GCFC2: variants seen among roughly 807,000 people sequenced by gnomAD.
GCFC2 encodes the protein intron Large complex component GCFC2.
In GCFC2, 102 loss-of-function variants were observed where a neutral mutation model predicts 99.4. That is an observed-to-expected ratio of 1.03 (90% CI 0.87 to 1.21). The LOEUF (loss-of-function observed/expected upper bound fraction) is 1.21, where lower values mean the gene tolerates loss of function less well. GCFC2 is among the 50% of genes most tolerant of loss of function. The pLI is 0.00. For missense variants in GCFC2, 973 were observed against 920.9 expected, an observed-to-expected ratio of 1.06 and a Z score of -0.73; for synonymous variants, 338 against 316.8, an observed-to-expected ratio of 1.07 and a Z score of -0.71.
intron 11 of GCFC2, 103 bp from the exon 12 acceptor site, chr2:75,680,417 T>C: frequency 1.2e-6 from 1 of 849,122 alleles, no homozygotes; most frequent in South Asian, 1.9e-5. Context: ...CCCTCCTTAT[T>C]CAGTTTAAGT....
intron 2 of GCFC2, among the ~76,000 whole-genome samples, chr2:75,704,605 G>A (rs962402689): frequency 1.1e-4 from 16 of 152,184 alleles, no homozygotes; most frequent in Admixed American, 7.9e-4. Context: ...ATTTTCAAAC[G>A]CTGCCCTCTC....
chr2:75,683,563 CATA>C (rs1315375437), intron 11 of GCFC2, among the ~76,000 whole-genome samples: 1 of 152,056 alleles, frequency 6.6e-6, no homozygotes, highest in Non-Finnish European at 1.5e-5. Flanking sequence ...CAGCTAGCAT[CATA>C]ATGACAGGAT....
Position 75,692,066 on chromosome 2 carries a change from T to C in GCFC2, c.1055A>G (p.His352Arg), listed in dbSNP as rs752714708. The C allele has an allele frequency of 4.6e-6, 7 of 1,521,340 alleles. No homozygotes were observed. In the East Asian group the frequency reaches 1.7e-4, roughly 36 times the overall value. The allele number at this position is 1,521,340 out of a possible 1,614,324, so 94.2% of individuals were successfully genotyped here. A position where few individuals can be genotyped will look rare whatever the true frequency, so the allele number is the denominator to read the frequency against. The change falls in exon 7 of 17, where the codon CAT (histidine) becomes CGT (arginine). Residue 352 changes from histidine (H) to arginine (R), a missense_variant. Coordinates refer to ENST00000321027, the MANE Select transcript of GCFC2 (RefSeq NM_003203.5). ...CATAGCTTGTTTTAAAAGGAGTGCATGCATGGATGATTCTATTTCTTGGAT... is the reference window on the plus strand; with the variant it reads ...CATAGCTTGTTTTAAAAGGAGTGCACGCATGGATGATTCTATTTCTTGGAT... ...INIQEIESSM[H>R]ALLLKQAMTF... is the part of the protein sequence containing the mutation.
At chr2:75,678,392 T>G (rs1470263218) in intron 12 of GCFC2, among the ~76,000 whole-genome samples, 3 of 152,218 alleles carry the variant, frequency 2.0e-5, no homozygotes, top group Non-Finnish European at 4.4e-5. Flanking sequence ...ATATCTCTAA[T>G]TCCTGCAACA....
intron 11 of GCFC2, among the ~76,000 whole-genome samples, chr2:75,683,204 G>A: frequency 6.6e-6 from 1 of 151,818 alleles, no homozygotes; most frequent in East Asian, 1.9e-4. Flanking sequence ...GAAAGGTTGG[G>A]TTACCCACAA....
upstream of GCFC2, chr2:75,710,979 G>A: frequency 7.3e-7 from 1 of 1,366,712 alleles, no homozygotes; most frequent in Non-Finnish European, 9.4e-7. Flanking sequence ...CGTCCCGCCT[G>A]CCTTCTGCTC....
chr2:75,710,983 T>A, upstream of GCFC2: 1 of 1,364,476 alleles, frequency 7.3e-7, no homozygotes, highest in Non-Finnish European at 9.4e-7. Flanking sequence ...CCGCCTGCCT[T>A]CTGCTCACCG....
chr2:75,696,887 G>A (rs1328188905), intron 4 of GCFC2, among the ~76,000 whole-genome samples: 2 of 151,982 alleles, frequency 1.3e-5, no homozygotes, highest in African/African-American at 4.8e-5. Flanking sequence ...CTGGGTTCAC[G>A]CCATTCTCCT....
At chr2:75,686,482 C>T (rs1435496163) in intron 11 of GCFC2, among the ~76,000 whole-genome samples, 2 of 152,060 alleles carry the variant, frequency 1.3e-5, no homozygotes, top group Non-Finnish European at 2.9e-5. Flanking sequence ...GTGACTCATG[C>T]CTATAATCCC....
intron 2 of GCFC2, among the ~76,000 whole-genome samples, chr2:75,704,031 G>A (rs1197846669): frequency 6.6e-6 from 1 of 152,166 alleles, no homozygotes; most frequent in Non-Finnish European, 1.5e-5. Flanking sequence ...AAAAAACCAA[G>A]GAAGAGAAGA....
chr2:75,698,322 C>CA (rs542348358), intron 4 of GCFC2, among the ~76,000 whole-genome samples: 201 of 152,020 alleles, frequency 1.3e-3, no homozygotes, highest in Non-Finnish European at 2.4e-3. Context: ...AGGAATAGTT[C>CA]AAAAACACAC....
At position 75,690,039 on chromosome 2, in the gene GCFC2, G is replaced by A; in HGVS notation, c.1269C>T (p.Asn423=). 4 of 1,608,362 alleles carry A rather than the reference G, an allele frequency of 2.5e-6. No individual in the cohort carries two copies. Among genetic ancestry groups the A allele is most frequent in the Non-Finnish European group, 3.4e-6 (4 of 1,176,928 alleles). The change falls in exon 9 of 17, where the codon AAC becomes AAT. Residue 423 remains asparagine, a synonymous_variant. Transcript: ENST00000321027. ...CATCACTAGATGTTCCTTCCTGATG[G>A]TTACAATTCCCAGAAAGCACCCTTG... ...RQARVLSGNC[N]HQEGTSSDDE... is the part of the protein sequence containing the mutation.
At chr2:75,667,359 A>G (rs537433739) in intron 15 of GCFC2, among the ~76,000 whole-genome samples, 15 of 152,322 alleles carry the variant, frequency 9.8e-5, no homozygotes, top group African/African-American at 3.6e-4. Context: ...GGTAACATCA[A>G]GATCAATATA....
At chr2:75,691,479 G>A (rs1351251664) in intron 7 of GCFC2, among the ~76,000 whole-genome samples, 1 of 151,916 alleles carries the variant, frequency 6.6e-6, no homozygotes, top group Non-Finnish European at 1.5e-5. Flanking sequence ...CTTTGCCTTT[G>A]CATTTACTAG....
At chr2:75,688,476 T>C (rs1321471694) in intron 10 of GCFC2, among the ~76,000 whole-genome samples, 2 of 152,210 alleles carry the variant, frequency 1.3e-5, no homozygotes, top group Non-Finnish European at 2.9e-5. Context: ...TTTTTTCTTT[T>C]AGTCAGTCAA....
intron 12 of GCFC2, among the ~76,000 whole-genome samples, chr2:75,676,792 A>G (rs548517534): frequency 6.0e-4 from 91 of 152,212 alleles, no homozygotes; most frequent in Non-Finnish European, 6.9e-4. Context: ...ACATGCATTT[A>G]TTTTTTCACA....
intron 12 of GCFC2, 131 bp from the exon 13 acceptor site, chr2:75,673,651 G>A (rs1043076899): frequency 1.3e-5 from 8 of 604,494 alleles, no homozygotes; most frequent in Non-Finnish European, 2.1e-5. Flanking sequence ...CTATCAATTG[G>A]GTACAAAAAA....
intron 5 of GCFC2, among the ~76,000 whole-genome samples, chr2:75,694,771 G>A (rs922912205): frequency 5.9e-5 from 9 of 152,090 alleles, no homozygotes; most frequent in African/African-American, 1.4e-4. Flanking sequence ...CAGTGAACTT[G>A]TAAGTAAATA....
At chr2:75,708,477 A>G (rs1680969131) in intron 1 of GCFC2, among the ~76,000 whole-genome samples, 1 of 129,220 alleles carries the variant, frequency 7.7e-6, no homozygotes, top group African/African-American at 2.8e-5. Flanking sequence ...ATTTAATCAT[A>G]TGGTTTAAGA....
Sources: gnomAD v4.1 joint callset for allele counts (sites outside exome capture counted in the v4.1 genomes callset) on GRCh38, gnomAD v4.1.1 for gene constraint, MANE v1.5 for transcripts, NCBI Gene and HGNC (gene_info 2026-07-23, HGNC 2026-07-21) for gene names.